Variants in ANKRD44 observed in about 807,000 individuals in gnomAD.
ANKRD44 encodes the protein serine/threonine-protein phosphatase 6 regulatory ankyrin repeat subunit B.
In ANKRD44, 35 loss-of-function variants were observed where a neutral mutation model predicts 116.0. The observed-to-expected ratio is 0.30, with a 90% CI of 0.23 to 0.40. The LOEUF is 0.40. Among genes scored for constraint, ANKRD44 ranks in the 10% least tolerant of loss-of-function variants. The probability of loss-of-function intolerance (pLI) is 1.00; values close to 1 mark genes in which losing one functional copy is unlikely to be tolerated. For missense variants in ANKRD44, 1,014 were observed against 1,242.6 expected (o/e 0.82, Z 2.77); for synonymous variants, 435 against 461.8 (o/e 0.94, Z 0.74).
rs1388588826 is a variant in ANKRD44 at position 197,121,476 on chromosome 2, C to G, written c.762G>C (p.Val254=). The G allele has an allele frequency of 4.3e-6, 7 of 1,614,062 alleles. No homozygotes were observed. Among genetic ancestry groups the G allele is most frequent in the African/African-American group, 4.0e-5 (3 of 74,924 alleles). The change falls in exon 8 of 28, where the codon GTG becomes GTC. Residue 254 remains valine, a synonymous_variant. Coordinates refer to ENST00000282272, the MANE Select transcript of ANKRD44 (RefSeq NM_001195144.2). ...HIACYNGQDA[V]VNELIDYGAN... is the part of the protein sequence containing the mutation. ...CACCGTAGTCAATCAACTCGTTAAC[C>G]ACAGCATCCTGTCCATTGTAGCAGG...
chr2:197,171,034 C>T (rs533323094), intron 2 of ANKRD44, among the ~76,000 whole-genome samples: 94 of 152,268 alleles, frequency 6.2e-4, no homozygotes, highest in Non-Finnish European at 8.2e-4. Context: ...AAGCATCCAG[C>T]GTTTGTTTAA....
intron 16 of ANKRD44, among the ~76,000 whole-genome samples, chr2:197,050,780 T>C (rs2077092301): frequency 6.6e-6 from 1 of 152,148 alleles, no homozygotes. Flanking sequence ...AAATTAGTTA[T>C]TGGGCTAATT....
At chr2:197,015,070 G>T in intron 17 of ANKRD44, 1 of 239,284 alleles carries the variant, frequency 4.2e-6, no homozygotes, top group South Asian at 5.9e-5. Flanking sequence ...TTGAGAAATG[G>T]GGCACATTCA....
At chr2:196,975,908 T>C (rs1453018736) in intron 21 of ANKRD44, among the ~76,000 whole-genome samples, 2 of 151,748 alleles carry the variant, frequency 1.3e-5, no homozygotes, top group Non-Finnish European at 2.9e-5. Context: ...ATATCCCTTA[T>C]GAATATAGTT....
rs2081754134 is a variant in ANKRD44 at position 197,227,746 on chromosome 2, CTGTG to C, written c.28-40644_28-40641del. ...CCAGCCTTGCTGTTGCCACTCATGGCTGTGTGTGTTGGGAAAAGTCCATGTCTCT... is the reference window on the plus strand; with the variant it reads ...CCAGCCTTGCTGTTGCCACTCATGGCTGTGTTGGGAAAAGTCCATGTCTCT... On this transcript the variant is annotated intron_variant, in intron 1 of 27. Transcript: ENST00000282272. Among the ~76,000 whole-genome samples the C allele has an allele frequency of 7.2e-5, 11 of 152,266 alleles. No individual in the cohort carries two copies. In the South Asian group the frequency reaches 2.3e-3, roughly 32 times the overall value.
At chr2:196,993,704 T>C in intron 26 of ANKRD44, 30 bp from the exon 27 acceptor site, 1 of 1,535,012 alleles carries the variant, frequency 6.5e-7, no homozygotes, top group East Asian at 2.5e-5. Flanking sequence ...GCATCAGTTG[T>C]GATACATATT....
At chr2:197,068,928 C>T (rs1209805289) in intron 16 of ANKRD44, among the ~76,000 whole-genome samples, 1 of 152,174 alleles carries the variant, frequency 6.6e-6, no homozygotes, top group African/African-American at 2.4e-5. Flanking sequence ...TACCATTTGA[C>T]CCAGCCATCC....
chr2:197,234,008 C>T (rs922351203), intron 1 of ANKRD44, among the ~76,000 whole-genome samples: 3 of 152,288 alleles, frequency 2.0e-5, no homozygotes, highest in East Asian at 1.9e-4. Context: ...GTGTATATCT[C>T]GTTAACTGTT....
At position 196,967,463 on chromosome 2, in the gene ANKRD44, AAAAAG is replaced by A. The variant is rs770309553; in HGVS notation, c.2369-22_2369-18del. The A allele has an allele frequency of 1.6e-4, 75 of 466,064 alleles. 2 individuals carry two copies. The highest frequency in any genetic ancestry group is 8.9e-4 in the South Asian group (57 of 64,268). 28.9% of individuals were successfully genotyped at this position (466,064 alleles called of 1,614,324 possible). A position where few individuals can be genotyped will look rare whatever the true frequency, so the allele number is the denominator to read the frequency against. On this transcript the variant is annotated intron_variant, in intron 21 of 21. Coordinates refer to the ANKRD44 transcript ENST00000424317. Reference sequence around the variant, plus strand: ...GTTAACAGCCTGAGTTGCCATTTAAAAAAAGAAAAGAAAAGAAAAAGTGTGCAATT... The same window carrying A: ...GTTAACAGCCTGAGTTGCCATTTAAAAAAAGAAAAGAAAAAGTGTGCAATT...
intron 1 of ANKRD44, among the ~76,000 whole-genome samples, chr2:197,234,040 A>T (rs1473759548): frequency 1.3e-5 from 2 of 152,188 alleles, no homozygotes; most frequent in Non-Finnish European, 2.9e-5. Flanking sequence ...ACTTAAATAA[A>T]TTTTTTAAAG....
intron 1 of ANKRD44, among the ~76,000 whole-genome samples, chr2:197,258,051 GCATGT>G (rs1384356371): frequency 6.6e-6 from 1 of 151,954 alleles, no homozygotes; most frequent in African/African-American, 2.4e-5. Flanking sequence ...CTATGTTGCA[GCATGT>G]GTCAGAATTC....
At chr2:197,299,627 G>A (rs576307054) in intron 1 of ANKRD44, 3 of 152,324 alleles carry the variant, frequency 2.0e-5, no homozygotes, top group Non-Finnish European at 2.9e-5. Context: ...TAGGAGCTAA[G>A]CTATGAAGAC....
intron 1 of ANKRD44, among the ~76,000 whole-genome samples, chr2:197,280,639 C>T (rs2083236887): frequency 6.6e-6 from 1 of 152,138 alleles, no homozygotes; most frequent in Non-Finnish European, 1.5e-5. Context: ...CTTGATAAGC[C>T]TCGCGGATGA....
intron 17 of ANKRD44, chr2:197,015,819 T>G: frequency 5.9e-6 from 3 of 512,552 alleles, no homozygotes; most frequent in South Asian, 3.5e-5. Context: ...GTGGTTACAA[T>G]GAAGGAGGAA....
chr2:197,204,681 T>C (rs2081167451), intron 1 of ANKRD44, among the ~76,000 whole-genome samples: 1 of 152,210 alleles, frequency 6.6e-6, no homozygotes, highest in African/African-American at 2.4e-5. Context: ...TTCAATATTT[T>C]TCAAACACCA....
At chr2:197,282,920 ACT>A (rs951130098) in intron 1 of ANKRD44, among the ~76,000 whole-genome samples, 14 of 152,322 alleles carry the variant, frequency 9.2e-5, no homozygotes, top group African/African-American at 3.1e-4. Context: ...CACAGAGTAC[ACT>A]GTTATGAATT....
rs2081631295 is a variant in ANKRD44, at chr2:197,223,497, C to A, written c.28-36391G>T. ...CATTGCTAGTTCATTCATTTTCACC[C>A]TCATATAGTATTCCATTGCACGCAA... On this transcript the variant is annotated intron_variant, in intron 1 of 27. Transcript: ENST00000282272. 2.0e-5 allele frequency among the ~76,000 whole-genome samples: 3 copies of A among 152,172 alleles called. No homozygotes were observed. The South Asian group carries it at 6.2e-4, about 32-fold the overall frequency.
At position 197,284,503 on chromosome 2, in the gene ANKRD44, A is replaced by AACACACAC. The variant is rs10547024; in HGVS notation, c.27+26067_27+26074dup. On this transcript the variant is annotated intron_variant, in intron 1 of 27. Coordinates refer to ENST00000282272, the MANE Select transcript of ANKRD44 (RefSeq NM_001195144.2). ...AAGAACTCACGGCAACAGAGAGTCA[A>AACACACAC]ACACACACACACACACACACACACA... Among the ~76,000 whole-genome samples, 953 of 137,846 alleles carry AACACACAC rather than the reference A, an allele frequency of 6.9e-3. 10 individuals are homozygous for AACACACAC. The highest frequency in any genetic ancestry group is 0.023 in the African/African-American group (878 of 39,000). 90.4% of individuals were successfully genotyped at this position (137,846 alleles called of 152,430 possible).
chr2:197,081,471 G>A (rs950799404), intron 15 of ANKRD44, among the ~76,000 whole-genome samples, 174 bp downstream of exon 15: 6 of 152,166 alleles, frequency 3.9e-5, no homozygotes, highest in African/African-American at 1.4e-4. Context: ...GAAAATAGCA[G>A]AATTGAAGGC....
Sources: gnomAD v4.1 joint callset for allele counts (sites outside exome capture counted in the v4.1 genomes callset) on GRCh38, gnomAD v4.1.1 for gene constraint, MANE v1.5 for transcripts, NCBI Gene and HGNC (gene_info 2026-07-23, HGNC 2026-07-21) for gene names.